The following SPMAP2L variants were observed in gnomAD, a reference collection of about 807,000 sequenced individuals.
SPMAP2L encodes sperm microtubule associated protein 2-like.
chr4:56,542,504 A>G, the SPMAP2L span, among the ~76,000 whole-genome samples: 1 of 151,808 alleles, frequency 6.6e-6, no homozygotes, highest in East Asian at 1.9e-4. Flanking sequence ...AAAAAGGGGA[A>G]GAAAATAACT....
the SPMAP2L span, chr4:56,531,101 C>T: frequency 6.5e-7 from 1 of 1,535,424 alleles, no homozygotes; most frequent in East Asian, 2.4e-5. Context: ...CTTCCCAGCG[C>T]CGCAGTAATG....
At chr4:56,597,357 G>A in the SPMAP2L span, among the ~76,000 whole-genome samples, 1 of 152,282 alleles carries the variant, frequency 6.6e-6, no homozygotes, top group East Asian at 1.9e-4. Flanking sequence ...ACAGAGCCTG[G>A]AACCTTTGAT....
chr4:56,530,716 G>A, the SPMAP2L span: 20 of 1,535,346 alleles, frequency 1.3e-5, no homozygotes, highest in Non-Finnish European at 1.6e-5. Flanking sequence ...TGCGCCGTCC[G>A]AGGTGACCGA....
the SPMAP2L span, among the ~76,000 whole-genome samples, chr4:56,582,501 A>G: frequency 1.3e-5 from 2 of 152,192 alleles, no homozygotes; most frequent in African/African-American, 4.8e-5. Flanking sequence ...TCACAATGAG[A>G]TACCACTTCA....
At chr4:56,616,518 C>G in the SPMAP2L span, among the ~76,000 whole-genome samples, 1 of 152,062 alleles carries the variant, frequency 6.6e-6, no homozygotes, top group Non-Finnish European at 1.5e-5. Flanking sequence ...GTGGGTTCAC[C>G]AAGTAAGTAA....
the SPMAP2L span, chr4:56,594,306 A>G: frequency 2.0e-6 from 3 of 1,537,910 alleles, no homozygotes; most frequent in Non-Finnish European, 2.7e-6. Context: ...TCCCTTGTTC[A>G]CAGCATGATT....
At chr4:56,609,623 C>T in the SPMAP2L span, among the ~76,000 whole-genome samples, 3 of 152,140 alleles carry the variant, frequency 2.0e-5, no homozygotes, top group Non-Finnish European at 4.4e-5. Context: ...CGTGTTGAAA[C>T]TTAATTTCCA....
chr4:56,571,575 G>T, the SPMAP2L span, among the ~76,000 whole-genome samples: 1 of 152,226 alleles, frequency 6.6e-6, no homozygotes, highest in East Asian at 1.9e-4. Flanking sequence ...CCTGAGCATG[G>T]TGGCTAGCAC....
chr4:56,542,427 C>A, the SPMAP2L span, among the ~76,000 whole-genome samples: 1 of 151,094 alleles, frequency 6.6e-6, no homozygotes, highest in African/African-American at 2.4e-5. Flanking sequence ...TCATAAACTT[C>A]TGCTTGTTTT....
At chr4:56,559,788 C>T in the SPMAP2L span, among the ~76,000 whole-genome samples, 8 of 152,066 alleles carry the variant, frequency 5.3e-5, no homozygotes, top group African/African-American at 1.9e-4. Flanking sequence ...AGACTGGTCT[C>T]GAGCTCCTGA....
chr4:56,593,308 T>G, the SPMAP2L span: 2 of 1,173,786 alleles, frequency 1.7e-6, no homozygotes, highest in Non-Finnish European at 2.6e-6. Context: ...GAGGAGGAAA[T>G]TTTTTGTTGA....
the SPMAP2L span, among the ~76,000 whole-genome samples, chr4:56,564,331 A>T: frequency 6.6e-6 from 1 of 151,770 alleles, no homozygotes; most frequent in African/African-American, 2.4e-5. Context: ...GTAGAGACGG[A>T]GTTTCACCGT....
the SPMAP2L span, among the ~76,000 whole-genome samples, chr4:56,580,827 A>G: frequency 6.6e-6 from 1 of 152,184 alleles, no homozygotes; most frequent in Non-Finnish European, 1.5e-5. Context: ...TCAATTGTAT[A>G]TCTACTATCA....
chr4:56,589,692 G>A, the SPMAP2L span, among the ~76,000 whole-genome samples: 382 of 150,026 alleles, frequency 2.5e-3, 1 homozygote, highest in African/African-American at 9.0e-3. Context: ...TGTTGTTGTT[G>A]TTGTTTTGGG....
the SPMAP2L span, among the ~76,000 whole-genome samples, chr4:56,536,129 T>C: frequency 6.6e-6 from 1 of 152,180 alleles, no homozygotes; most frequent in African/African-American, 2.4e-5. Context: ...GTAGCCTGGC[T>C]CCTAACAGGC....
the SPMAP2L span, among the ~76,000 whole-genome samples, chr4:56,574,124 A>G: frequency 2.6e-5 from 4 of 152,196 alleles, no homozygotes; most frequent in African/African-American, 9.6e-5. Flanking sequence ...AGCGTTGTTA[A>G]GAAGAACAAT....
chr4:56,605,944 T>C, the SPMAP2L span, among the ~76,000 whole-genome samples: 1 of 152,228 alleles, frequency 6.6e-6, no homozygotes, highest in African/African-American at 2.4e-5. Flanking sequence ...TATCACTCTG[T>C]AACCATTTTG....
At chr4:56,620,502 T>C in the SPMAP2L span, among the ~76,000 whole-genome samples, 1 of 151,734 alleles carries the variant, frequency 6.6e-6, no homozygotes, top group Non-Finnish European at 1.5e-5. Flanking sequence ...TTCTCCTGCC[T>C]CACTGCCCGA....
chr4:56,574,053 G>T, the SPMAP2L span, among the ~76,000 whole-genome samples: 1 of 152,126 alleles, frequency 6.6e-6, no homozygotes, highest in African/African-American at 2.4e-5. Flanking sequence ...GTCTGGGGGG[G>T]TAGTCAATGT....
Sources: allele counts gnomAD v4.1 joint callset (sites outside exome capture counted in the v4.1 genomes callset), GRCh38; gene constraint gnomAD v4.1.1; transcripts MANE v1.5; gene names NCBI Gene and HGNC (gene_info 2026-07-23, HGNC 2026-07-21).